The following MFSD2A variants were observed in gnomAD, a reference collection of about 807,000 sequenced individuals.
MFSD2A encodes the protein MFSD2 lysolipid transporter A, lysophospholipid.
A neutral mutation model predicts 64.7 loss-of-function variants in MFSD2A; 27 were observed. The ratio of observed to expected loss-of-function variants is 0.42; its 90% confidence interval spans 0.31 to 0.58. MFSD2A has a LOEUF of 0.58. Ranked by LOEUF, MFSD2A falls within the 20% of genes least tolerant of loss-of-function variation. MFSD2A has a pLI of 0.18. For synonymous variants in MFSD2A, 258 were observed against 273.4 expected (o/e 0.94, Z 0.55); for missense variants, 474 against 679.5 (o/e 0.70, Z 3.36).
chr1:39,956,255 C>T (rs1052025960), intron 1 of MFSD2A, among the ~76,000 whole-genome samples: 3 of 152,194 alleles, frequency 2.0e-5, no homozygotes, highest in African/African-American at 7.2e-5. Context: ...GAGAGTAGGA[C>T]AGTTCCTGGG....
At position 39,968,236 on chromosome 1, in the gene MFSD2A, A is replaced by G; in HGVS notation, c.1209-98A>G. ...GTCCCATATCCTCACTGAGCTGTGT[A>G]CCCATGGTACTGCAAGCTTCCAGAG... On this transcript the variant is annotated intron_variant, in intron 11 of 13. Transcript: ENST00000372811. This position sits in a 1 kb window ranked among gnomAD's most constrained non-coding sequence, Gnocchi z 4.4. The G allele has an allele frequency of 7.0e-7, 1 of 1,436,580 alleles. No homozygotes were observed. The highest frequency in any genetic ancestry group is 9.7e-7 in the Non-Finnish European group (1 of 1,029,750). The allele number at this position is 1,436,580 out of a possible 1,614,324, so 89.0% of individuals were successfully genotyped here.
Position 39,958,214 on chromosome 1 carries a change from T to C in MFSD2A, c.229-487T>C, listed in dbSNP as rs1265633184. ...GGAGGGGGATAACTTGAGTGGGTAGTGACAAGTCCCTTTTTAAAAAGCATC... is the reference window on the plus strand; with the variant it reads ...GGAGGGGGATAACTTGAGTGGGTAGCGACAAGTCCCTTTTTAAAAAGCATC... On this transcript the variant is annotated intron_variant, in intron 2 of 13. Transcript: ENST00000372811. This position sits in a 1 kb window ranked among gnomAD's most constrained non-coding sequence, Gnocchi z 4.7. Among the ~76,000 whole-genome samples the C allele has an allele frequency of 6.6e-6, 1 of 152,062 alleles. No individual in the cohort carries two copies. Among genetic ancestry groups the C allele is most frequent in the Non-Finnish European group, 1.5e-5 (1 of 67,992 alleles).
chr1:39,962,241 T>C (rs1645059666), intron 3 of MFSD2A, among the ~76,000 whole-genome samples: 2 of 152,176 alleles, frequency 1.3e-5, no homozygotes, highest in Admixed American at 6.5e-5. Context: ...CTGAAGACCT[T>C]TGCACTGACT....
rs1421512979 is a variant in MFSD2A, at chr1:39,955,777, C to T, written c.93+392C>T. 1.4e-5 allele frequency: 6 copies of T among 423,100 alleles called. No homozygotes were observed. Among genetic ancestry groups the T allele is most frequent in the Non-Finnish European group, 2.8e-5 (6 of 216,594 alleles). 26.2% of individuals were successfully genotyped at this position (423,100 alleles called of 1,614,324 possible). Reference sequence around the variant, plus strand: ...CTCATCCCCTACCTCCCACTCCACCCACCTACTCTTGCGCCTCAACTCTGC... The same window carrying T: ...CTCATCCCCTACCTCCCACTCCACCTACCTACTCTTGCGCCTCAACTCTGC... On this transcript the variant is annotated intron_variant, in intron 1 of 13. Coordinates refer to ENST00000372811, the MANE Select transcript of MFSD2A (RefSeq NM_032793.5). This position sits in a 1 kb window ranked among gnomAD's most constrained non-coding sequence, Gnocchi z 5.9.
At chr1:39,957,006 C>A in intron 1 of MFSD2A, 81 bp from the exon 2 acceptor site, 2 of 1,536,364 alleles carry the variant, frequency 1.3e-6, no homozygotes, top group Non-Finnish European at 8.9e-7. Context: ...TAGAGCTGGC[C>A]AGAGGGATGG....
At chr1:39,966,251 G>C (rs978151971) in intron 6 of MFSD2A, among the ~76,000 whole-genome samples, 1 of 152,174 alleles carries the variant, frequency 6.6e-6, no homozygotes, top group Non-Finnish European at 1.5e-5. Context: ...GGGAAGATTT[G>C]AATTCTGGGC....
chr1:39,963,120 C>G lies in MFSD2A; in HGVS notation c.354-2091C>G, dbSNP rs1393260022. On this transcript the variant is annotated intron_variant, in intron 3 of 13. Coordinates refer to ENST00000372811, the MANE Select transcript of MFSD2A (RefSeq NM_032793.5). The surrounding 1 kb of genome is among the most constrained non-coding windows in gnomAD (Gnocchi z 4.2). ...GGTGACAGGCCGCTGCGGCTCTGTG[C>G]TGGTGCGTCTCATCCCTGCACCCAG... is the stretch of plus-strand genomic sequence containing the variant. 1 of 1,358,238 alleles carries G rather than the reference C, an allele frequency of 7.4e-7. No homozygotes were observed. Among genetic ancestry groups the G allele is most frequent in the African/African-American group, 1.4e-5 (1 of 69,758 alleles). 84.1% of individuals were successfully genotyped at this position (1,358,238 alleles called of 1,614,324 possible).
In MFSD2A at chr1:39,967,919, AG is replaced by A; in HGVS notation, c.1208+5del. The A allele has an allele frequency of 6.4e-7, 1 of 1,572,924 alleles. No homozygotes were observed. The highest frequency in any genetic ancestry group is 8.7e-7 in the Non-Finnish European group (1 of 1,145,690). ...GCAGCTGCCTTCTTACTACCCTGGTAGGTATATACAGGCCCCCCTCCTCGGG... is the reference window on the plus strand; with the variant it reads ...GCAGCTGCCTTCTTACTACCCTGGTAGTATATACAGGCCCCCCTCCTCGGG... On this transcript the variant is annotated splice_donor_region_variant and intron_variant, in intron 11 of 13. Transcript: ENST00000372811.
In MFSD2A at chr1:39,965,515, C is replaced by T. The variant is rs765969982; in HGVS notation, c.522C>T (p.Thr174=). ...PYSALTMFIS[T]EQTERDSATA... ...CGGCTCTCACCATGTTCATCAGCAC[C>T]GAGCAGACTGAGCGGGATTCTGCCA... Residue 174 remains threonine, a synonymous_variant, in exon 5 of 14, where the codon ACC becomes ACT. Transcript: ENST00000372811. The surrounding 1 kb of genome is among the most constrained non-coding windows in gnomAD (Gnocchi z 5.5). The T allele has an allele frequency of 9.3e-6, 15 of 1,613,938 alleles. No individual in the cohort carries two copies. Among genetic ancestry groups the T allele is most frequent in the East Asian group, 4.5e-5 (2 of 44,880 alleles).
In MFSD2A at chr1:39,969,492, CT is replaced by C. The variant is rs1420510548; in HGVS notation, c.1530-12del. The stretch of plus-strand genomic sequence containing the variant: ...GGATGCTTCCTCCAACCCATCTCCT[CT>C]CTCTCTTGCAGGGACGAGGCCAGCA... On this transcript the variant is annotated splice_polypyrimidine_tract_variant and intron_variant, in intron 13 of 13. Transcript: ENST00000372811. 3.1e-6 allele frequency: 5 copies of C among 1,595,724 alleles called. No homozygotes were observed. Among genetic ancestry groups the C allele is most frequent in the Non-Finnish European group, 4.3e-6 (5 of 1,172,040 alleles).
Position 39,967,621 on chromosome 1 carries a change from T to C in MFSD2A, c.1012-7T>C. 1 of 1,613,966 alleles carries C rather than the reference T, an allele frequency of 6.2e-7. No homozygotes were observed. The highest frequency in any genetic ancestry group is 8.5e-7 in the Non-Finnish European group (1 of 1,179,948). ...ACCTCCCTTTAACCCCCTTTGTCCA[T>C]CCACAGCTCTCGGCCACTTTAACCA... On this transcript the variant is annotated splice_polypyrimidine_tract_variant and splice_region_variant and intron_variant, in intron 9 of 13. Coordinates refer to ENST00000372811, the MANE Select transcript of MFSD2A (RefSeq NM_032793.5).
At chr1:39,961,569 G>T (rs959755109) in intron 3 of MFSD2A, among the ~76,000 whole-genome samples, 2 of 151,746 alleles carry the variant, frequency 1.3e-5, no homozygotes, top group African/African-American at 2.4e-5. Context: ...AGATGGTCTC[G>T]ATCTCCTGAC....
rs1424004404 is a variant in MFSD2A, at chr1:39,965,463, T to C, written c.478-8T>C. On this transcript the variant is annotated splice_polypyrimidine_tract_variant and splice_region_variant and intron_variant, in intron 4 of 13. Transcript: ENST00000372811. This position sits in a 1 kb window ranked among gnomAD's most constrained non-coding sequence, Gnocchi z 5.5. ...CCTGACCAGCCAATGACCTGTCTTC[T>C]ATGCCAGTGTTTCCATGTTCCCTAC... 1 of 1,614,102 alleles carries C rather than the reference T, an allele frequency of 6.2e-7. No individual in the cohort carries two copies. The highest frequency in any genetic ancestry group is 2.2e-5 in the East Asian group (1 of 44,870).
chr1:39,957,273 A>T, intron 2 of MFSD2A, 52 bp downstream of exon 2: 8 of 1,502,002 alleles, frequency 5.3e-6, no homozygotes, highest in Non-Finnish European at 7.1e-6. Context: ...GGTGGGAAAG[A>T]CTATGCACCC....
chr1:39,962,665 G>T (rs557876348), intron 3 of MFSD2A: 1 of 785,034 alleles, frequency 1.3e-6, no homozygotes, highest in Non-Finnish European at 2.2e-6. Flanking sequence ...GGTCATGGCC[G>T]TGGACGGGGC....
intron 3 of MFSD2A, among the ~76,000 whole-genome samples, chr1:39,961,627 G>A (rs1049889662): frequency 6.6e-5 from 10 of 152,098 alleles, no homozygotes; most frequent in South Asian, 2.1e-4. Flanking sequence ...GATTACAGGC[G>A]TGAGCCACTG....
At chr1:39,966,960 G>T in intron 8 of MFSD2A, 28 bp downstream of exon 8, 1 of 1,613,298 alleles carries the variant, frequency 6.2e-7, no homozygotes, top group South Asian at 1.1e-5. Flanking sequence ...TGCTCAGCCT[G>T]AGAAGGAGGT....
At position 39,968,071 on chromosome 1, in the gene MFSD2A, G is replaced by A; in HGVS notation, c.1208+155G>A. On this transcript the variant is annotated intron_variant, in intron 11 of 13. Coordinates refer to ENST00000372811, the MANE Select transcript of MFSD2A (RefSeq NM_032793.5). This position sits in a 1 kb window ranked among gnomAD's most constrained non-coding sequence, Gnocchi z 4.4. ...AGGTCTGTCCTGTACAGTTGTACAG[G>A]TAGTGAGCTTTGCAAGAACACCTAG... 2 of 640,062 alleles carry A rather than the reference G, an allele frequency of 3.1e-6. No homozygotes were observed. Among genetic ancestry groups the A allele is most frequent in the Non-Finnish European group, 5.4e-6 (2 of 371,758 alleles). The allele number at this position is 640,062 out of a possible 1,614,324, so 39.6% of individuals were successfully genotyped here.
Position 39,965,662 on chromosome 1 carries a change from T to C in MFSD2A, c.556+113T>C. ...CTAGAGTGTGGGTGTGAAACCATCT[T>C]AAAAATAACTCAATCCCCTTATTGC... On this transcript the variant is annotated intron_variant, in intron 5 of 13. Coordinates refer to ENST00000372811, the MANE Select transcript of MFSD2A (RefSeq NM_032793.5). This position sits in a 1 kb window ranked among gnomAD's most constrained non-coding sequence, Gnocchi z 5.5. The C allele has an allele frequency of 7.7e-7, 1 of 1,291,874 alleles. No individual in the cohort carries two copies. Among genetic ancestry groups the C allele is most frequent in the Non-Finnish European group, 1.1e-6 (1 of 904,880 alleles). The allele number at this position is 1,291,874 out of a possible 1,614,324, so 80.0% of individuals were successfully genotyped here.
Sources: gnomAD v4.1 joint callset for allele counts (sites outside exome capture counted in the v4.1 genomes callset) on GRCh38, gnomAD v4.1.1 for gene constraint, Gnocchi (gnomAD v3.1) non-coding constraint, MANE v1.5 for transcripts, NCBI Gene and HGNC (gene_info 2026-07-23, HGNC 2026-07-21) for gene names.